Variants in ST6GAL1 observed in about 807,000 individuals in gnomAD.
The protein encoded by ST6GAL1 is beta-galactoside alpha-2,6-sialyltransferase 1.
ST6GAL1 carries 20 observed loss-of-function variants against 38.0 expected under a neutral mutation model. The observed-to-expected ratio is 0.53, with a 90% CI of 0.37 to 0.77. ST6GAL1 has a LOEUF of 0.77. Ranked by LOEUF, ST6GAL1 falls within the 30% of genes least tolerant of loss-of-function variation. The pLI, the probability that ST6GAL1 is intolerant of heterozygous loss-of-function variation, is 0.00. For synonymous variants in ST6GAL1, 196 were observed against 188.2 expected (o/e 1.04, Z -0.34); for missense variants, 432 against 496.4 (o/e 0.87, Z 1.23).
intron 3 of ST6GAL1, among the ~76,000 whole-genome samples, chr3:187,039,462 C>A (rs1387169110): frequency 6.6e-6 from 1 of 152,150 alleles, no homozygotes; most frequent in Non-Finnish European, 1.5e-5. Flanking sequence ...CATTACAAAG[C>A]ACTGGCTGGC....
chr3:187,055,874 T>A (rs1444310881), intron 5 of ST6GAL1, among the ~76,000 whole-genome samples: 1 of 151,988 alleles, frequency 6.6e-6, no homozygotes, highest in Non-Finnish European at 1.5e-5. Flanking sequence ...TAAGTTTCTG[T>A]CTCGTTGATC....
intron 2 of ST6GAL1, among the ~76,000 whole-genome samples, chr3:186,969,915 C>T (rs1037102746): frequency 1.1e-4 from 17 of 152,180 alleles, no homozygotes; most frequent in African/African-American, 3.9e-4. Context: ...GATTTTGGAG[C>T]GAAGAGTCTG....
At chr3:187,054,999 T>A (rs1718643921) in intron 5 of ST6GAL1, among the ~76,000 whole-genome samples, 1 of 152,172 alleles carries the variant, frequency 6.6e-6, no homozygotes, top group Admixed American at 6.5e-5. Context: ...TATTCAGAGA[T>A]TCAACTTCTT....
chr3:186,988,081 T>A (rs1158021058), intron 2 of ST6GAL1, among the ~76,000 whole-genome samples: 1 of 152,188 alleles, frequency 6.6e-6, no homozygotes, highest in East Asian at 1.9e-4. Context: ...ATCTCCTCAG[T>A]GGTCAGGCAT....
intron 2 of ST6GAL1, among the ~76,000 whole-genome samples, chr3:187,008,999 T>C (rs1162708269): frequency 6.6e-6 from 1 of 152,136 alleles, no homozygotes; most frequent in African/African-American, 2.4e-5. Flanking sequence ...TAATTCTTTT[T>C]TGGAGATAGA....
intron 4 of ST6GAL1, among the ~76,000 whole-genome samples, chr3:187,044,770 T>C (rs1718240569): frequency 6.6e-6 from 1 of 152,220 alleles, no homozygotes; most frequent in South Asian, 2.1e-4. Context: ...AGCTTTAATT[T>C]TATGCACTCC....
intron 2 of ST6GAL1, among the ~76,000 whole-genome samples, chr3:187,036,913 A>G (rs1248097584): frequency 6.6e-6 from 1 of 152,110 alleles, no homozygotes. Flanking sequence ...TTTTAAAAAA[A>G]CCCTTTTCTT....
intron 1 of ST6GAL1, among the ~76,000 whole-genome samples, chr3:186,940,723 C>A (rs1419354115): frequency 6.6e-6 from 1 of 151,302 alleles, no homozygotes; most frequent in Non-Finnish European, 1.5e-5. Context: ...TTATACTAGT[C>A]CATTTACAAA....
At chr3:187,061,581 T>C (rs753920044) in intron 5 of ST6GAL1, among the ~76,000 whole-genome samples, 1 of 152,168 alleles carries the variant, frequency 6.6e-6, no homozygotes, top group Non-Finnish European at 1.5e-5. Context: ...TATGTGTAAA[T>C]GATTTTTGAT....
At chr3:186,955,936 G>A (rs116250250) in intron 1 of ST6GAL1, among the ~76,000 whole-genome samples, 7,317 of 152,094 alleles carry the variant, frequency 0.048, 542 homozygotes, top group African/African-American at 0.16. Flanking sequence ...TCATGATTTC[G>A]CTCTCTGCTT....
intron 2 of ST6GAL1, among the ~76,000 whole-genome samples, chr3:186,987,492 TTAAAGTCAGCCA>T (rs1409566073): frequency 6.6e-6 from 1 of 152,176 alleles, no homozygotes; most frequent in African/African-American, 2.4e-5. Flanking sequence ...ATGTAGTTGC[TTAAAGTCAGCCA>T]GATTCCCCAG....
chr3:187,001,192 A>G lies in ST6GAL1; in HGVS notation c.-183+37266A>G, dbSNP rs1349612097. ...GGTAGAACTCAGTGTTCCTACCCGAACCCTGGACATTCTGAAATGTCCACA... is the reference window on the plus strand; with the variant it reads ...GGTAGAACTCAGTGTTCCTACCCGAGCCCTGGACATTCTGAAATGTCCACA... On this transcript the variant is annotated intron_variant, in intron 2 of 7. Transcript: ENST00000169298. Among the ~76,000 whole-genome samples, 4 of 152,208 alleles carry G rather than the reference A, an allele frequency of 2.6e-5. No individual in the cohort carries two copies. The South Asian group carries it at 6.2e-4, about 24-fold the overall frequency.
intron 1 of ST6GAL1, among the ~76,000 whole-genome samples, chr3:186,949,693 C>T (rs1714510461): frequency 6.6e-6 from 1 of 152,180 alleles, no homozygotes; most frequent in Non-Finnish European, 1.5e-5. Flanking sequence ...TCACCTTCCT[C>T]AGAAAGACCT....
At chr3:187,014,373 G>A (rs1717055376) in intron 2 of ST6GAL1, among the ~76,000 whole-genome samples, 3 of 152,142 alleles carry the variant, frequency 2.0e-5, no homozygotes, top group African/African-American at 7.2e-5. Flanking sequence ...GTCCCCTTTA[G>A]TTTTTTCTGG....
intron 2 of ST6GAL1, among the ~76,000 whole-genome samples, chr3:187,010,786 A>ATC (rs2108558461): frequency 6.6e-6 from 1 of 152,352 alleles, no homozygotes; most frequent in African/African-American, 2.4e-5. Context: ...TAACGCCCAA[A>ATC]GCCCCGCGTC....
chr3:187,053,972 T>C (rs971682026), intron 5 of ST6GAL1, among the ~76,000 whole-genome samples: 22 of 152,114 alleles, frequency 1.4e-4, no homozygotes, highest in Non-Finnish European at 3.2e-4. Context: ...TCTTTTATTT[T>C]GTTGAGCAGT....
At chr3:186,972,777 G>A (rs1401544519) in intron 2 of ST6GAL1, among the ~76,000 whole-genome samples, 2 of 152,216 alleles carry the variant, frequency 1.3e-5, no homozygotes. Flanking sequence ...TTTCAGTGTA[G>A]CACTGCCCTA....
chr3:186,939,330 C>G (rs1714081039), intron 1 of ST6GAL1, among the ~76,000 whole-genome samples: 1 of 152,082 alleles, frequency 6.6e-6, no homozygotes. Flanking sequence ...GCCTTGGCCT[C>G]CCAAAGTGCT....
At chr3:187,066,181 T>C (rs1719116591) in intron 5 of ST6GAL1, among the ~76,000 whole-genome samples, 1 of 152,158 alleles carries the variant, frequency 6.6e-6, no homozygotes, top group African/African-American at 2.4e-5. Flanking sequence ...TCTATTAATA[T>C]CATAATTGGA....
Sources: allele counts gnomAD v4.1 joint callset (sites outside exome capture counted in the v4.1 genomes callset), GRCh38; gene constraint gnomAD v4.1.1; transcripts MANE v1.5; gene names NCBI Gene and HGNC (gene_info 2026-07-23, HGNC 2026-07-21).